PHF21A: variants seen among roughly 807,000 people sequenced by gnomAD.
PHF21A encodes PHD finger protein 21A.
In PHF21A, 11 loss-of-function variants were observed where a neutral mutation model predicts 82.5. The observed-to-expected ratio is 0.13, with a 90% CI of 0.08 to 0.22. PHF21A has a LOEUF of 0.22. Among genes scored for constraint, PHF21A ranks in the 10% least tolerant of loss-of-function variants. The probability of loss-of-function intolerance (pLI) is 1.00; values close to 1 mark genes in which losing one functional copy is unlikely to be tolerated. For missense variants in PHF21A, 579 were observed against 837.8 expected (o/e 0.69, Z 3.81); for synonymous variants, 297 against 302.8 (o/e 0.98, Z 0.20).
chr11:46,034,287 T>C lies in PHF21A; in HGVS notation c.153+42467A>G, dbSNP rs572365386. On this transcript the variant is annotated intron_variant, in intron 6 of 18. Coordinates refer to ENST00000676320, the MANE Select transcript of PHF21A (RefSeq NM_001352027.3). Reference sequence around the variant, plus strand: ...TTCTTAGAGATTCATAAGAACTCTTTATATGTAAGACTAATAACCCTTTGT... The same window carrying C: ...TTCTTAGAGATTCATAAGAACTCTTCATATGTAAGACTAATAACCCTTTGT... Among the ~76,000 whole-genome samples the C allele has an allele frequency of 7.3e-5, 11 of 151,534 alleles. No individual in the cohort carries two copies. In the East Asian group the frequency reaches 2.2e-3, roughly 30 times the overall value.
At chr11:46,009,735 C>T (rs1289409150) in intron 6 of PHF21A, among the ~76,000 whole-genome samples, 2 of 152,198 alleles carry the variant, frequency 1.3e-5, no homozygotes, top group African/African-American at 2.4e-5. Flanking sequence ...AGCCCATCCA[C>T]TTAGTCACTG....
intron 6 of PHF21A, among the ~76,000 whole-genome samples, chr11:46,013,066 A>T (rs1278859723): frequency 6.6e-6 from 1 of 152,128 alleles, no homozygotes; most frequent in African/African-American, 2.4e-5. Context: ...CTATATATTC[A>T]CACCTATGAT....
At chr11:45,998,586 C>T (rs778969425) in intron 6 of PHF21A, among the ~76,000 whole-genome samples, 1 of 151,560 alleles carries the variant, frequency 6.6e-6, no homozygotes, top group Non-Finnish European at 1.5e-5. Context: ...GATCTTGGCT[C>T]GGCGCAACCT....
chr11:45,969,982 A>G, intron 8 of PHF21A, 78 bp from the exon 9 acceptor site: 2 of 917,744 alleles, frequency 2.2e-6, no homozygotes. Flanking sequence ...TAGCATCACT[A>G]TTCTTTGGAT....
At chr11:46,085,230 A>G (rs569834687) in intron 3 of PHF21A, among the ~76,000 whole-genome samples, 1 of 152,360 alleles carries the variant, frequency 6.6e-6, no homozygotes, top group East Asian at 1.9e-4. Context: ...TTTAAAATGT[A>G]TCTATCGTGT....
At chr11:45,993,758 C>G (rs79858640) in intron 6 of PHF21A, among the ~76,000 whole-genome samples, 2 of 151,434 alleles carry the variant, frequency 1.3e-5, no homozygotes, top group Non-Finnish European at 2.9e-5. Flanking sequence ...GTAACCTACA[C>G]AATAAATTGA....
intron 6 of PHF21A, among the ~76,000 whole-genome samples, chr11:46,059,587 C>T (rs2096506600): frequency 6.6e-6 from 1 of 151,884 alleles, no homozygotes; most frequent in Non-Finnish European, 1.5e-5. Flanking sequence ...CCACACCTGG[C>T]TAACTTTTTA....
intron 6 of PHF21A, among the ~76,000 whole-genome samples, chr11:46,046,887 A>G (rs1234525815): frequency 2.0e-5 from 3 of 152,234 alleles, no homozygotes; most frequent in Non-Finnish European, 4.4e-5. Context: ...ACTGCTCCCC[A>G]TGATGAAAGT....
chr11:45,945,806 CAGAA>C, intron 15 of PHF21A, 30 bp downstream of exon 15: 1 of 1,537,908 alleles, frequency 6.5e-7, no homozygotes, highest in Non-Finnish European at 8.7e-7. Flanking sequence ...TTTAAGCTCT[CAGAA>C]AGACAGTGTG....
rs2135840649 is a variant in PHF21A at position 46,105,010 on chromosome 11, A to C, written c.-236-12787T>G. 2.6e-5 allele frequency among the ~76,000 whole-genome samples: 4 copies of C among 152,358 alleles called. 1 individual carries two copies. In the East Asian group the frequency reaches 7.7e-4, roughly 29 times the overall value. On this transcript the variant is annotated intron_variant, in intron 1 of 18. Coordinates refer to ENST00000676320, the MANE Select transcript of PHF21A (RefSeq NM_001352027.3). ...AGAAAACTAAGCTTCAGTACCATTT[A>C]TTTAGTACTTACTATGTGTCAGGCA...
chr11:45,938,124 CG>C (rs1565152058), intron 16 of PHF21A, 32 bp downstream of exon 16: 2 of 1,520,078 alleles, frequency 1.3e-6, no homozygotes, highest in East Asian at 4.7e-5. Flanking sequence ...TTGTCCTCCT[CG>C]GCCCCTCCCC....
chr11:46,017,619 A>T (rs567682452), intron 6 of PHF21A, among the ~76,000 whole-genome samples: 2 of 152,082 alleles, frequency 1.3e-5, no homozygotes, highest in Non-Finnish European at 2.9e-5. Flanking sequence ...CCTCAAAAAA[A>T]CCAAACTGGA....
At chr11:45,983,731 C>T (rs1306149595) in intron 6 of PHF21A, among the ~76,000 whole-genome samples, 2 of 152,162 alleles carry the variant, frequency 1.3e-5, no homozygotes, top group Non-Finnish European at 2.9e-5. Context: ...CTAGTTCAGT[C>T]TTGCAGCTCT....
At chr11:46,084,031 G>C (rs1301748599) in intron 4 of PHF21A, 135 bp downstream of exon 4, 2 of 568,974 alleles carry the variant, frequency 3.5e-6, no homozygotes, top group African/African-American at 4.0e-5. Context: ...AGTGGTAAAA[G>C]GCAAACGACA....
chr11:45,949,416 C>T lies in PHF21A; in HGVS notation c.1213G>A (p.Val405Ile). ...TTANPVYSGA[V>I]FEPERKKSAV... ...GCCAGTAATACCTCTGGCTCAAAGA[C>T]TGCTCCACTGTAGACCGGATTTGCT... Residue 405 changes from valine to isoleucine, a missense_variant, in exon 13 of 19, where the codon GTC becomes ATC. This residue lies in a region of PHF21A where 410 missense variants were observed against 642.1 expected (regional missense o/e 0.64). Coordinates refer to ENST00000676320, the MANE Select transcript of PHF21A (RefSeq NM_001352027.3). 2 of 1,614,124 alleles carry T rather than the reference C, an allele frequency of 1.2e-6. No homozygotes were observed. Among genetic ancestry groups the T allele is most frequent in the Non-Finnish European group, 1.7e-6 (2 of 1,179,924 alleles).
intron 6 of PHF21A, among the ~76,000 whole-genome samples, chr11:46,001,003 ATCT>A (rs1179813532): frequency 2.0e-5 from 3 of 152,172 alleles, no homozygotes; most frequent in Non-Finnish European, 4.4e-5. Context: ...TCACTGTGTC[ATCT>A]TCTATATTCA....
intron 1 of PHF21A, among the ~76,000 whole-genome samples, chr11:46,112,978 T>TAA (rs2097237351): frequency 6.6e-6 from 1 of 152,194 alleles, no homozygotes; most frequent in Admixed American, 6.5e-5. Context: ...ACTAAAACAC[T>TAA]AGGTTGTTTC....
chr11:46,093,112 C>T (rs976774591), intron 1 of PHF21A, among the ~76,000 whole-genome samples: 5 of 152,130 alleles, frequency 3.3e-5, no homozygotes, highest in African/African-American at 7.2e-5. Context: ...GTTTCTATGC[C>T]ACATATCTAA....
chr11:46,096,547 T>A (rs1338213680), intron 1 of PHF21A, among the ~76,000 whole-genome samples: 3 of 152,122 alleles, frequency 2.0e-5, no homozygotes, highest in African/African-American at 7.2e-5. Context: ...ACTGCTCATT[T>A]CTTCCTCCTC....
Sources: gnomAD v4.1 joint callset for allele counts (sites outside exome capture counted in the v4.1 genomes callset) on GRCh38, gnomAD v4.1.1 for gene constraint, gnomAD v4.1.1 regional missense constraint, MANE v1.5 for transcripts, NCBI Gene and HGNC (gene_info 2026-07-23, HGNC 2026-07-21) for gene names.